UBN1: variants seen among roughly 807,000 people sequenced by gnomAD.
The protein encoded by UBN1 is ubinuclein 1, also known as ubinuclein-1.
A neutral mutation model predicts 108.5 loss-of-function variants in UBN1; 17 were observed. The observed-to-expected ratio is 0.16, with a 90% confidence interval of 0.11 to 0.24. The LOEUF is 0.24. Among genes scored for constraint, UBN1 ranks in the 10% least tolerant of loss-of-function variants. The probability of loss-of-function intolerance (pLI) is 1.00; values close to 1 mark genes in which losing one functional copy is unlikely to be tolerated. For synonymous variants in UBN1, 726 were observed against 564.2 expected, an observed-to-expected ratio of 1.29 and a Z score of -4.07; for missense variants, 1,595 against 1,394.4, an observed-to-expected ratio of 1.14 and a Z score of -2.29.
In UBN1 at chr16:4,868,871, C is replaced by T. The variant is rs759579948; in HGVS notation, c.1149C>T (p.Phe383=). 7 of 1,613,790 alleles carry T rather than the reference C, an allele frequency of 4.3e-6. No individual in the cohort carries two copies. The highest frequency in any genetic ancestry group is 2.7e-5 in the African/African-American group (2 of 74,884). ...CTGAGGGGGAGAGCAGACAGAAGTT[C>T]TTCACCCAGGATATTAATGGAATCC... is the stretch of plus-strand genomic sequence containing the variant. ...RAAEGESRQK[F]FTQDINGILL... The change falls in exon 8 of 18, where the codon TTC becomes TTT. Residue 383 remains phenylalanine (F), a synonymous_variant. Transcript: ENST00000262376.
At chr16:4,856,826 C>T (rs768284002) in intron 2 of UBN1, among the ~76,000 whole-genome samples, 19 of 152,190 alleles carry the variant, frequency 1.2e-4, no homozygotes, top group Non-Finnish European at 1.8e-4. Context: ...TTGAAAGACT[C>T]CCCATTTGAG....
chr16:4,860,274 A>G (rs1341199449), intron 6 of UBN1, among the ~76,000 whole-genome samples: 7 of 151,858 alleles, frequency 4.6e-5, no homozygotes, highest in Non-Finnish European at 8.8e-5. Flanking sequence ...CTTGTTGTCT[A>G]TGGTCATGCT....
In UBN1 at chr16:4,861,089, A is replaced by G; in HGVS notation, c.1097A>G (p.Lys366Arg). ...GLPAPLEKRV[K>R]ELAQAARAAE... is the part of the protein sequence containing the mutation. ...CCAGCACCCCTGGAGAAGCGCGTTA[A>G]GGAGCTGGCTCAGGTATGGTGGCAC... The change falls in exon 7 of 18, where the codon AAG (lysine) becomes AGG (arginine). Residue 366 changes from lysine (K) to arginine (R), a missense_variant. Lys to Arg is a conservative substitution (Grantham distance 26, BLOSUM62 2). Coordinates refer to ENST00000262376, the MANE Select transcript of UBN1 (RefSeq NM_001079514.3). 1 of 1,613,080 alleles carries G rather than the reference A, an allele frequency of 6.2e-7. No individual in the cohort carries two copies. Among genetic ancestry groups the G allele is most frequent in the Non-Finnish European group, 8.5e-7 (1 of 1,179,702 alleles).
At position 4,860,143 on chromosome 16, in the gene UBN1, T is replaced by C. The variant is rs537225376; in HGVS notation, c.671+175T>C. Among the ~76,000 whole-genome samples, 9 of 152,336 alleles carry C rather than the reference T, an allele frequency of 5.9e-5. No homozygotes were observed. The South Asian group carries it at 1.9e-3, about 32-fold the overall frequency. On this transcript the variant is annotated intron_variant, in intron 6 of 17. Transcript: ENST00000262376. ...GGGCATAGACGCTCACCTCTCAGTGTGTCAGATAGTTCCACTGTCAGTGTT... is the reference window on the plus strand; with the variant it reads ...GGGCATAGACGCTCACCTCTCAGTGCGTCAGATAGTTCCACTGTCAGTGTT...
chr16:4,863,775 A>C (rs1316311357), intron 7 of UBN1, among the ~76,000 whole-genome samples: 4 of 152,158 alleles, frequency 2.6e-5, no homozygotes, highest in Non-Finnish European at 5.9e-5. Context: ...TCATGGCTGC[A>C]TTCAGCTGGC....
intron 17 of UBN1, among the ~76,000 whole-genome samples, chr16:4,878,960 C>T (rs951737248): frequency 2.0e-5 from 3 of 152,180 alleles, no homozygotes; most frequent in African/African-American, 2.4e-5. Flanking sequence ...TGCAGCGAGC[C>T]GTGGTCATGC....
rs2087789858 is a variant in UBN1 at position 4,874,534 on chromosome 16, C to T, written c.2124C>T (p.Gly708=). The change falls in exon 15 of 18, where the codon GGC becomes GGT. Residue 708 remains glycine (G), a synonymous_variant. Transcript: ENST00000262376. ...AAGCACCTGCAGAAAAAGTTGGAGGCGTTTTATGTACAGAAGAAAAAAGGA... is the reference window on the plus strand; with the variant it reads ...AAGCACCTGCAGAAAAAGTTGGAGGTGTTTTATGTACAGAAGAAAAAAGGA... The part of the protein sequence containing the change: ...PSKAPAEKVG[G]VLCTEEKRNF... 4 of 1,614,190 alleles carry T rather than the reference C, an allele frequency of 2.5e-6. No homozygotes were observed. The highest frequency in any genetic ancestry group is 3.4e-6 in the Non-Finnish European group (4 of 1,180,034).
In UBN1 at chr16:4,859,845, G is replaced by T; in HGVS notation, c.568-20G>T. The stretch of plus-strand genomic sequence containing the variant: ...CTGAGTTAGGGAGCCGTGTAACTGT[G>T]CCTTGTCTTTAATTCTCAGAAGCGG... On this transcript the variant is annotated intron_variant, in intron 5 of 17. Coordinates refer to ENST00000262376, the MANE Select transcript of UBN1 (RefSeq NM_001079514.3). The T allele has an allele frequency of 6.2e-7, 1 of 1,613,618 alleles. No individual in the cohort carries two copies. The highest frequency in any genetic ancestry group is 8.5e-7 in the Non-Finnish European group (1 of 1,179,794).
At chr16:4,858,825 C>CTT in intron 4 of UBN1, 162 bp downstream of exon 4, 1 of 939,098 alleles carries the variant, frequency 1.1e-6, no homozygotes, top group African/African-American at 1.6e-5. Context: ...TTATCCGGGT[C>CTT]TTAGTTCCCT....
chr16:4,868,089 C>G (rs1380562008), intron 7 of UBN1, among the ~76,000 whole-genome samples: 1 of 152,132 alleles, frequency 6.6e-6, no homozygotes, highest in Non-Finnish European at 1.5e-5. Context: ...CAGGGAATTC[C>G]AATATGCAAC....
intron 17 of UBN1, among the ~76,000 whole-genome samples, chr16:4,878,104 C>G (rs1293483035): frequency 6.6e-6 from 1 of 152,138 alleles, no homozygotes; most frequent in Non-Finnish European, 1.5e-5. Context: ...TTCTAAAAGC[C>G]TCAGGCTTGA....
intron 7 of UBN1, among the ~76,000 whole-genome samples, chr16:4,865,357 C>T (rs2087276569): frequency 2.0e-5 from 3 of 152,088 alleles, no homozygotes; most frequent in Non-Finnish European, 2.9e-5. Flanking sequence ...ACATAGAAAG[C>T]TTCTGAAATA....
intron 2 of UBN1, among the ~76,000 whole-genome samples, chr16:4,855,652 C>T (rs1440146795): frequency 6.6e-6 from 1 of 150,452 alleles, no homozygotes; most frequent in African/African-American, 2.4e-5. Context: ...GGCGCAGTGA[C>T]TCATGCCTGT....
chr16:4,847,586 G>T lies in UBN1; in HGVS notation c.-664G>T. ...CTGAGCGCGAGAGGGAGCCGGCCTC[G>T]CGGCTCGCCCCGCCCCCGGGTCTTG... is the stretch of plus-strand genomic sequence containing the variant. On this transcript the variant is annotated 5_prime_UTR_variant, in exon 1 of 18. Coordinates refer to ENST00000262376, the MANE Select transcript of UBN1 (RefSeq NM_001079514.3). The T allele has an allele frequency of 2.7e-6, 1 of 366,524 alleles. No homozygotes were observed. Among genetic ancestry groups the T allele is most frequent in the Non-Finnish European group, 4.9e-6 (1 of 202,704 alleles). The allele number at this position is 366,524 out of a possible 1,614,324, so 22.7% of individuals were successfully genotyped here. A position where few individuals can be genotyped will look rare whatever the true frequency, so the allele number is the denominator to read the frequency against.
At chr16:4,870,993 G>A (rs769860108) in intron 11 of UBN1, 21 bp downstream of exon 11, 3 of 1,613,598 alleles carry the variant, frequency 1.9e-6, no homozygotes, top group Non-Finnish European at 1.7e-6. Context: ...ACTGGGACTT[G>A]GCCTCTTTGG....
At chr16:4,856,479 A>G (rs551374689) in intron 2 of UBN1, among the ~76,000 whole-genome samples, 2 of 152,388 alleles carry the variant, frequency 1.3e-5, no homozygotes, top group East Asian at 1.9e-4. Context: ...ACACTGTACC[A>G]GCCTCAAAAC....
intron 17 of UBN1, 26 bp from the exon 18 acceptor site, chr16:4,880,057 T>A (rs1339957719): frequency 6.2e-7 from 1 of 1,613,488 alleles, no homozygotes; most frequent in Non-Finnish European, 8.5e-7. Context: ...AAAACTTGCG[T>A]TCTAATTTTT....
chr16:4,856,601 G>A (rs1327551722), intron 2 of UBN1, among the ~76,000 whole-genome samples: 1 of 152,214 alleles, frequency 6.6e-6, no homozygotes, highest in African/African-American at 2.4e-5. Context: ...TTAGAAAGAA[G>A]AGAGCTTATT....
chr16:4,877,282 G>C lies in UBN1; in HGVS notation c.3266-103G>C. On this transcript the variant is annotated intron_variant, in intron 16 of 17. Coordinates refer to ENST00000262376, the MANE Select transcript of UBN1 (RefSeq NM_001079514.3). The surrounding 1 kb of genome is among the most constrained non-coding windows in gnomAD (Gnocchi z 4.3). ...CCCCTTTGGGTGTGGTGCCCAGACT[G>C]GCCTGGCAGGTTATCGGGGGCTTTT... 2.6e-6 allele frequency: 4 copies of C among 1,528,802 alleles called. No homozygotes were observed. Among genetic ancestry groups the C allele is most frequent in the Non-Finnish European group, 3.5e-6 (4 of 1,132,716 alleles). The allele number at this position is 1,528,802 out of a possible 1,614,324, so 94.7% of individuals were successfully genotyped here. A position where few individuals can be genotyped will look rare whatever the true frequency, so the allele number is the denominator to read the frequency against.
Sources: gnomAD v4.1 joint callset for allele counts (sites outside exome capture counted in the v4.1 genomes callset) on GRCh38, gnomAD v4.1.1 for gene constraint, Gnocchi (gnomAD v3.1) non-coding constraint, MANE v1.5 for transcripts, NCBI Gene and HGNC (gene_info 2026-07-23, HGNC 2026-07-21) for gene names.